Variants in KIAA0513 observed in about 807,000 individuals in gnomAD.
KIAA0513 encodes uncharacterized protein KIAA0513.
KIAA0513 carries 39 observed loss-of-function variants against 56.5 expected under a neutral mutation model. The observed-to-expected ratio is 0.69, with a 90% CI of 0.53 to 0.90. The LOEUF (loss-of-function observed/expected upper bound fraction) is 0.90. Ranked by LOEUF, KIAA0513 falls within the 40% of genes least tolerant of loss-of-function variation. KIAA0513 has a pLI of 0.00. For synonymous variants in KIAA0513, 268 were observed against 215.6 expected, an observed-to-expected ratio of 1.24 and a Z score of -2.13; for missense variants, 591 against 535.2, an observed-to-expected ratio of 1.10 and a Z score of -1.03.
intron 1 of KIAA0513, among the ~76,000 whole-genome samples, chr16:85,045,706 G>A (rs945349061): frequency 4.6e-5 from 7 of 152,176 alleles, no homozygotes; most frequent in Admixed American, 1.3e-4. Context: ...ACCGGGATCC[G>A]TTTTGAAGAG....
intron 10 of KIAA0513, among the ~76,000 whole-genome samples, chr16:85,083,289 T>C (rs911781586): frequency 6.6e-6 from 1 of 152,056 alleles, no homozygotes; most frequent in African/African-American, 2.4e-5. Context: ...ATTTTTAGAG[T>C]CGCTGATCTG....
rs771061881 is a variant in KIAA0513 at position 85,077,587 on chromosome 16, G to T, written c.737G>T (p.Gly246Val). ...ACTGAGAATGTCAAGGGCTTCTTCG[G>T]GGGGCTGGAGACCAAGCTGAAGGGG... ...ARTENVKGFF[G>V]GLETKLKGPL... is the part of the protein sequence containing the mutation. The change falls in exon 6 of 13, where the codon GGG becomes GTG. Residue 246 changes from glycine (G) to valine (V), a missense_variant. Gly to Val is a moderately radical substitution (Grantham distance 109, BLOSUM62 -3). Coordinates refer to ENST00000683363, the MANE Select transcript of KIAA0513 (RefSeq NM_001388359.1). 1.9e-6 allele frequency: 3 copies of T among 1,614,016 alleles called. No homozygotes were observed. The highest frequency in any genetic ancestry group is 2.5e-6 in the Non-Finnish European group (3 of 1,179,956).
intron 1 of KIAA0513, among the ~76,000 whole-genome samples, chr16:85,043,467 A>G (rs1213464473): frequency 6.0e-5 from 8 of 133,668 alleles, no homozygotes. Context: ...GCTGGAGTGC[A>G]GTGGTGCCAT....
At chr16:85,053,835 T>C (rs2073289332) in intron 1 of KIAA0513, among the ~76,000 whole-genome samples, 1 of 151,894 alleles carries the variant, frequency 6.6e-6, no homozygotes, top group African/African-American at 2.4e-5. Context: ...CTACTAAAAA[T>C]ACAAAAATTA....
At chr16:85,037,802 TG>T (rs1230168931) in intron 1 of KIAA0513, among the ~76,000 whole-genome samples, 2 of 152,202 alleles carry the variant, frequency 1.3e-5, no homozygotes, top group Admixed American at 1.3e-4. Flanking sequence ...AAGTCATCTA[TG>T]CTGTGGGAAA....
chr16:85,029,305 A>G (rs893768811), intron 1 of KIAA0513, among the ~76,000 whole-genome samples: 2 of 152,218 alleles, frequency 1.3e-5, no homozygotes, highest in Non-Finnish European at 2.9e-5. Context: ...TCTCTGTGTT[A>G]CATTCTGACG....
intron 1 of KIAA0513, among the ~76,000 whole-genome samples, chr16:85,030,599 T>A (rs2072950669): frequency 6.6e-6 from 1 of 151,704 alleles, no homozygotes; most frequent in East Asian, 1.9e-4. Context: ...ATACAAAAAT[T>A]AGCTGGGCAT....
intron 1 of KIAA0513, among the ~76,000 whole-genome samples, chr16:85,046,453 G>T (rs529250997): frequency 1.9e-4 from 29 of 152,294 alleles, no homozygotes; most frequent in African/African-American, 6.5e-4. Context: ...GCTGACAAGC[G>T]TCAGCCCAGC....
rs545213743 is a variant in KIAA0513 at position 85,031,925 on chromosome 16, G to A, written c.-173+4067G>A. On this transcript the variant is annotated intron_variant, in intron 1 of 12. Transcript: ENST00000683363. ...GACGGTGAAACCTAGCCTGGCTAGC[G>A]GACCACTGGGCAAGAGAATTCAGGC... Among the ~76,000 whole-genome samples, 362 of 152,240 alleles carry A rather than the reference G, an allele frequency of 2.4e-3. 4 individuals are homozygous for A. The highest frequency in any genetic ancestry group is 8.3e-3 in the African/African-American group (346 of 41,542).
rs1286906958 is a variant in KIAA0513 at position 85,078,990 on chromosome 16, C to T, written c.889C>T (p.Gln297Ter). ...EKIYLYTHLK[Q>*]QPIWHTLRFW... Reference sequence around the variant, plus strand: ...GATCTACCTGTACACGCACCTGAAGCAACAGCCCATCTGGTAAGGCCGAGC... The same window carrying T: ...GATCTACCTGTACACGCACCTGAAGTAACAGCCCATCTGGTAAGGCCGAGC... The change falls in exon 8 of 13, where the codon CAA (glutamine) becomes TAA (stop). Residue 297 changes from glutamine (Q) to a stop codon, truncating the protein, a stop_gained. Transcript: ENST00000683363. LOFTEE classifies it high-confidence loss of function. The T allele has an allele frequency of 2.5e-6, 4 of 1,614,178 alleles. No homozygotes were observed. The highest frequency in any genetic ancestry group is 3.4e-6 in the Non-Finnish European group (4 of 1,180,030).
Position 85,076,437 on chromosome 16 carries a change from C to G in KIAA0513, c.574+523C>G, listed in dbSNP as rs1253694592. Among the ~76,000 whole-genome samples, 1 of 152,156 alleles carries G rather than the reference C, an allele frequency of 6.6e-6. No individual in the cohort carries two copies. Among genetic ancestry groups the G allele is most frequent in the Non-Finnish European group, 1.5e-5 (1 of 68,030 alleles). ...TTCCGCCTCATTGCGTTGGCACTTTCTCGTATGTTGGAGCTCAAGGGCTTC... is the reference window on the plus strand; with the variant it reads ...TTCCGCCTCATTGCGTTGGCACTTTGTCGTATGTTGGAGCTCAAGGGCTTC... On this transcript the variant is annotated intron_variant, in intron 5 of 12. Transcript: ENST00000683363. The surrounding 1 kb of genome is among the most constrained non-coding windows in gnomAD (Gnocchi z 4.7).
At position 85,084,446 on chromosome 16, in the gene KIAA0513, T is replaced by C. The variant is rs1162101411; in HGVS notation, c.1010+1853T>C. ...TTCGTTCTCTTTTTTTTTTTTTTTTTGAGATGGAGTTTTGCTCTTGTTGCC... is the reference window on the plus strand; with the variant it reads ...TTCGTTCTCTTTTTTTTTTTTTTTTCGAGATGGAGTTTTGCTCTTGTTGCC... On this transcript the variant is annotated intron_variant, in intron 10 of 12. Coordinates refer to ENST00000683363, the MANE Select transcript of KIAA0513 (RefSeq NM_001388359.1). Among the ~76,000 whole-genome samples the C allele has an allele frequency of 2.6e-5, 3 of 116,472 alleles. No homozygotes were observed. The East Asian group carries it at 7.2e-4, about 28-fold the overall frequency. The allele number at this position is 116,472 out of a possible 152,430, so 76.4% of individuals were successfully genotyped here. A position where few individuals can be genotyped will look rare whatever the true frequency, so the allele number is the denominator to read the frequency against.
intron 2 of KIAA0513, among the ~76,000 whole-genome samples, chr16:85,070,135 C>T (rs560809185): frequency 6.7e-6 from 1 of 149,998 alleles, no homozygotes; most frequent in Non-Finnish European, 1.5e-5. Context: ...CGGACTACTG[C>T]ACTCCAGCCT....
chr16:85,030,827 C>T (rs2072954673), intron 1 of KIAA0513, among the ~76,000 whole-genome samples: 1 of 151,428 alleles, frequency 6.6e-6, no homozygotes, highest in Non-Finnish European at 1.5e-5. Flanking sequence ...TAAATCTGGG[C>T]ATCATGGGGA....
chr16:85,070,890 C>T (rs1396421772), intron 2 of KIAA0513, among the ~76,000 whole-genome samples: 3 of 152,154 alleles, frequency 2.0e-5, no homozygotes, highest in Non-Finnish European at 2.9e-5. Flanking sequence ...ATCAGCAATA[C>T]GGAATGTGGA....
chr16:85,062,234 A>ACC (rs1452472309), intron 1 of KIAA0513, among the ~76,000 whole-genome samples: 19 of 149,498 alleles, frequency 1.3e-4, no homozygotes, highest in African/African-American at 2.0e-4. Flanking sequence ...ACACACACAC[A>ACC]CCCCATAAGG....
Position 85,081,670 on chromosome 16 carries a change from C to T in KIAA0513, c.980+278C>T, listed in dbSNP as rs945148694. On this transcript the variant is annotated intron_variant, in intron 9 of 12. Coordinates refer to ENST00000683363, the MANE Select transcript of KIAA0513 (RefSeq NM_001388359.1). The surrounding 1 kb of genome is among the most constrained non-coding windows in gnomAD (Gnocchi z 4.4). ...AAACTCCCACTAAGACCATCAGGAC[C>T]CCTGCTGCTGGGCCCACCCTGCTGT... 2.0e-5 allele frequency among the ~76,000 whole-genome samples: 3 copies of T among 152,154 alleles called. No individual in the cohort carries two copies. The highest frequency in any genetic ancestry group is 2.9e-5 in the Non-Finnish European group (2 of 68,030).
intron 1 of KIAA0513, among the ~76,000 whole-genome samples, chr16:85,045,055 T>C (rs185709913): frequency 6.6e-6 from 1 of 151,944 alleles, no homozygotes. Flanking sequence ...GAGGTGGAGC[T>C]TGTAGTGAGC....
intron 11 of KIAA0513, 123 bp from the exon 12 acceptor site, chr16:85,086,949 C>T (rs72805499): frequency 0.042 from 40,280 of 948,666 alleles, 1,015 homozygotes; most frequent in Non-Finnish European, 0.051. Context: ...GGCAGCAGTG[C>T]GTTTTAGTTT....
Sources: allele counts gnomAD v4.1 joint callset (sites outside exome capture counted in the v4.1 genomes callset), GRCh38; gene constraint gnomAD v4.1.1; non-coding constraint Gnocchi (gnomAD v3.1); transcripts MANE v1.5; gene names NCBI Gene and HGNC (gene_info 2026-07-23, HGNC 2026-07-21).